CCSER1: variants seen among roughly 807,000 people sequenced by gnomAD.
CCSER1 encodes the protein serine-rich coiled-coil domain-containing protein 1.
In CCSER1, 41 loss-of-function variants were observed where a neutral mutation model predicts 82.0. The observed-to-expected ratio is 0.50, with a 90% confidence interval of 0.39 to 0.65. The LOEUF is 0.65. Ranked by LOEUF, CCSER1 falls within the 30% of genes least tolerant of loss-of-function variation. The pLI, the probability that CCSER1 is intolerant of heterozygous loss-of-function variation, is 0.00. For missense variants in CCSER1, 1,119 were observed against 1,064.2 expected, an observed-to-expected ratio of 1.05 and a Z score of -0.72; for synonymous variants, 414 against 383.9, an observed-to-expected ratio of 1.08 and a Z score of -0.92.
At chr4:90,716,813 A>G (rs537640105) in intron 6 of CCSER1, among the ~76,000 whole-genome samples, 9 of 152,246 alleles carry the variant, frequency 5.9e-5, no homozygotes, top group African/African-American at 2.2e-4. Context: ...ATTTCTTAGA[A>G]TTTCTCTTCA....
intron 9 of CCSER1, among the ~76,000 whole-genome samples, chr4:91,084,271 T>A (rs1723132514): frequency 6.6e-6 from 1 of 152,118 alleles, no homozygotes; most frequent in South Asian, 2.1e-4. Context: ...ACATGTGTAA[T>A]AATGATAAAA....
intron 9 of CCSER1, among the ~76,000 whole-genome samples, chr4:91,013,604 C>CTTT (rs1188536764): frequency 3.7e-5 from 4 of 107,626 alleles, no homozygotes; most frequent in African/African-American, 5.9e-5. Flanking sequence ...TTAAGATTTT[C>CTTT]TTTTTTTTTT....
chr4:90,405,808 C>T (rs1753626329), intron 4 of CCSER1, among the ~76,000 whole-genome samples: 1 of 152,034 alleles, frequency 6.6e-6, no homozygotes, highest in South Asian at 2.1e-4. Flanking sequence ...GACAAATAAA[C>T]ACTGAAATAA....
At chr4:90,240,563 A>G (rs887432550) in intron 1 of CCSER1, among the ~76,000 whole-genome samples, 5 of 152,134 alleles carry the variant, frequency 3.3e-5, no homozygotes, top group African/African-American at 1.2e-4. Context: ...ACTCAGCATC[A>G]CACCCATTGT....
chr4:90,532,551 A>G (rs1032057311), intron 5 of CCSER1, among the ~76,000 whole-genome samples: 2 of 152,010 alleles, frequency 1.3e-5, no homozygotes, highest in African/African-American at 4.8e-5. Flanking sequence ...ACAAATAGTA[A>G]TTATCTCAGG....
intron 9 of CCSER1, among the ~76,000 whole-genome samples, chr4:90,985,074 T>G (rs1269788795): frequency 1.3e-5 from 2 of 151,774 alleles, no homozygotes; most frequent in African/African-American, 2.4e-5. Flanking sequence ...GGAGGTAGCT[T>G]TCAACCTCTC....
chr4:90,141,371 C>T (rs575568193), intron 1 of CCSER1, among the ~76,000 whole-genome samples: 30 of 152,258 alleles, frequency 2.0e-4, no homozygotes, highest in African/African-American at 6.7e-4. Context: ...CATTATAGCC[C>T]AGCCAAGTTG....
intron 5 of CCSER1, among the ~76,000 whole-genome samples, chr4:90,475,001 C>A (rs1764864867): frequency 6.6e-6 from 1 of 151,970 alleles, no homozygotes; most frequent in South Asian, 2.1e-4. Context: ...TCATGATATT[C>A]TTTTAATTTA....
In CCSER1 at chr4:90,213,844, G is replaced by A. The variant is rs540481968; in HGVS notation, c.-42+86013G>A. On this transcript the variant is annotated intron_variant, in intron 1 of 10. Transcript: ENST00000509176. ...AAAGCTGCTTCATTGAAATTGTGGT[G>A]ACAAAAACTTGACTGGAATATCTTT... Among the ~76,000 whole-genome samples the A allele has an allele frequency of 2.0e-5, 3 of 152,232 alleles. No individual in the cohort carries two copies. The South Asian group carries it at 6.2e-4, about 32-fold the overall frequency.
At chr4:90,146,379 T>G (rs1281301164) in intron 1 of CCSER1, among the ~76,000 whole-genome samples, 1 of 152,036 alleles carries the variant, frequency 6.6e-6, no homozygotes, top group African/African-American at 2.4e-5. Flanking sequence ...ATTTAACAAA[T>G]GTAAAGGGCA....
intron 10 of CCSER1, among the ~76,000 whole-genome samples, chr4:91,384,691 G>A (rs999932139): frequency 2.6e-5 from 4 of 151,990 alleles, no homozygotes; most frequent in African/African-American, 7.2e-5. Context: ...ATATTCAGAT[G>A]CAACAAAATT....
intron 1 of CCSER1, among the ~76,000 whole-genome samples, chr4:90,297,502 T>C (rs986922995): frequency 2.0e-5 from 3 of 151,144 alleles, no homozygotes; most frequent in African/African-American, 7.4e-5. Flanking sequence ...TCCTGCCTGA[T>C]TGCCCTGGCC....
intron 10 of CCSER1, among the ~76,000 whole-genome samples, chr4:91,532,135 A>T (rs1447040133): frequency 6.6e-6 from 1 of 152,220 alleles, no homozygotes; most frequent in East Asian, 1.9e-4. Context: ...GTTGCCTATT[A>T]TGCTGAAATA....
intron 1 of CCSER1, among the ~76,000 whole-genome samples, chr4:90,167,343 A>G (rs1730662775): frequency 6.6e-6 from 1 of 152,170 alleles, no homozygotes; most frequent in Non-Finnish European, 1.5e-5. Context: ...TAAGAAATTT[A>G]TAAGAATATT....
intron 10 of CCSER1, among the ~76,000 whole-genome samples, chr4:91,293,810 A>C (rs1743948055): frequency 6.6e-6 from 1 of 152,020 alleles, no homozygotes; most frequent in Non-Finnish European, 1.5e-5. Flanking sequence ...ATTAAAAAGA[A>C]TAGCAAAAGA....
At chr4:90,568,622 C>T (rs1258408160) in intron 5 of CCSER1, among the ~76,000 whole-genome samples, 2 of 152,142 alleles carry the variant, frequency 1.3e-5, no homozygotes, top group African/African-American at 4.8e-5. Context: ...GCCACTCAGT[C>T]TTTTGATTAG....
intron 10 of CCSER1, among the ~76,000 whole-genome samples, chr4:91,375,551 A>C (rs1485365829): frequency 6.7e-6 from 1 of 150,070 alleles, no homozygotes; most frequent in Non-Finnish European, 1.5e-5. Flanking sequence ...AACTAAAGCC[A>C]CTTAAACTCC....
In CCSER1 at chr4:90,867,553, A is replaced by C. The variant is rs780714057; in HGVS notation, c.2094+51708A>C. On this transcript the variant is annotated intron_variant, in intron 8 of 10. Transcript: ENST00000509176. ...TTTGTGTTACAGACATTCCAATTAT[A>C]TTCTTTTAGTTATTTTTAAGTGGAC... is the stretch of plus-strand genomic sequence containing the variant. Among the ~76,000 whole-genome samples, 55 of 151,894 alleles carry C rather than the reference A, an allele frequency of 3.6e-4. 1 individual carries two copies. Among genetic ancestry groups the C allele is most frequent in the Admixed American group, 1.9e-3 (29 of 15,210 alleles).
chr4:90,194,511 T>C (rs969772607), intron 1 of CCSER1, among the ~76,000 whole-genome samples: 3 of 152,090 alleles, frequency 2.0e-5, no homozygotes, highest in Non-Finnish European at 4.4e-5. Flanking sequence ...TCGCCTGCTT[T>C]AAAACATATG....
Sources: allele counts gnomAD v4.1 joint callset (sites outside exome capture counted in the v4.1 genomes callset), GRCh38; gene constraint gnomAD v4.1.1; transcripts MANE v1.5; gene names NCBI Gene and HGNC (gene_info 2026-07-23, HGNC 2026-07-21).